Variants in CRPPA observed in about 807,000 individuals in gnomAD.
CRPPA encodes D-ribitol-5-phosphate cytidylyltransferase.
In CRPPA, 43 loss-of-function variants were observed where a neutral mutation model predicts 52.0. The observed-to-expected ratio is 0.83, with a 90% CI of 0.65 to 1.07. The LOEUF (loss-of-function observed/expected upper bound fraction) is 1.07. Ranked by LOEUF, CRPPA falls within the 50% of genes least tolerant of loss-of-function variation. The pLI is 0.00. For synonymous variants in CRPPA, 250 were observed against 203.5 expected, an observed-to-expected ratio of 1.23 and a Z score of -1.94; for missense variants, 629 against 551.7, an observed-to-expected ratio of 1.14 and a Z score of -1.40.
At chr7:16,318,240 C>G (rs1403515429) in intron 3 of CRPPA, among the ~76,000 whole-genome samples, 1 of 152,110 alleles carries the variant, frequency 6.6e-6, no homozygotes, top group Non-Finnish European at 1.5e-5. Flanking sequence ...TAGTAGCACC[C>G]CAACTCTCTT....
intron 9 of CRPPA, chr7:16,209,290 T>TTTTTTTTTTTTTTTTTTTTTTTTG (rs1782063195): frequency 5.1e-6 from 1 of 197,648 alleles, no homozygotes. Context: ...TTTTTTTTTT[T>TTTTTTTTTTTTTTTTTTTTTTTTG]GAGACGAGTC....
intron 5 of CRPPA, among the ~76,000 whole-genome samples, chr7:16,289,441 T>C (rs1214548895): frequency 4.6e-5 from 7 of 151,904 alleles, no homozygotes; most frequent in African/African-American, 1.7e-4. Flanking sequence ...AAGAAAACAT[T>C]AGCAAACCAA....
chr7:16,187,112 T>C (rs1476474400), intron 9 of CRPPA, among the ~76,000 whole-genome samples: 1 of 152,166 alleles, frequency 6.6e-6, no homozygotes, highest in East Asian at 1.9e-4. Context: ...ATATTTTTAG[T>C]ATCCAATATT....
chr7:16,127,183 T>C (rs573503813), intron 9 of CRPPA, among the ~76,000 whole-genome samples: 1 of 152,250 alleles, frequency 6.6e-6, no homozygotes, highest in South Asian at 2.1e-4. Context: ...AAAAAGCATT[T>C]TGCATTATTC....
intron 1 of CRPPA, among the ~76,000 whole-genome samples, chr7:16,406,682 T>A (rs910572195): frequency 6.6e-6 from 1 of 152,198 alleles, no homozygotes; most frequent in Non-Finnish European, 1.5e-5. Context: ...AGTTGGGATA[T>A]GCTTTTAAAT....
chr7:16,320,800 G>A (rs1288203553), intron 3 of CRPPA, among the ~76,000 whole-genome samples: 1 of 152,092 alleles, frequency 6.6e-6, no homozygotes, highest in African/African-American at 2.4e-5. Context: ...ATTATGCAAT[G>A]TATTTTGGGA....
At chr7:16,354,575 A>G (rs895632538) in intron 3 of CRPPA, among the ~76,000 whole-genome samples, 1 of 152,202 alleles carries the variant, frequency 6.6e-6, no homozygotes, top group African/African-American at 2.4e-5. Context: ...TTACAAAGAA[A>G]CTTGAGATTA....
At chr7:16,233,144 C>CA (rs894915598) in intron 8 of CRPPA, among the ~76,000 whole-genome samples, 97 of 148,424 alleles carry the variant, frequency 6.5e-4, no homozygotes, top group South Asian at 3.0e-3. Context: ...AATTAAACAG[C>CA]AAAAAAAAAG....
At chr7:16,380,798 C>G (rs931308424) in intron 2 of CRPPA, among the ~76,000 whole-genome samples, 36 of 152,180 alleles carry the variant, frequency 2.4e-4, no homozygotes, top group African/African-American at 8.7e-4. Context: ...GAGGTATTCT[C>G]TGATGGTAGT....
chr7:16,359,542 G>A (rs1583546844), intron 3 of CRPPA, among the ~76,000 whole-genome samples: 1 of 152,080 alleles, frequency 6.6e-6, no homozygotes, highest in East Asian at 1.9e-4. Flanking sequence ...TCTCAACTTC[G>A]TTCTAACTTT....
At chr7:16,120,167 C>G (rs1405220011) in intron 9 of CRPPA, among the ~76,000 whole-genome samples, 1 of 152,194 alleles carries the variant, frequency 6.6e-6, no homozygotes. Flanking sequence ...TCTCCTTGAT[C>G]AAACTGTAAT....
chr7:16,379,682 G>C (rs1260226866), intron 2 of CRPPA, among the ~76,000 whole-genome samples: 1 of 152,122 alleles, frequency 6.6e-6, no homozygotes, highest in Non-Finnish European at 1.5e-5. Context: ...GTGGTTTGTA[G>C]TTCTCCTTGA....
chr7:16,399,737 C>T (rs1255860664), intron 2 of CRPPA, among the ~76,000 whole-genome samples: 7 of 151,982 alleles, frequency 4.6e-5, no homozygotes, highest in Non-Finnish European at 5.9e-5. Context: ...ATATGATTGA[C>T]ATGTAACTGA....
At chr7:16,324,479 T>A (rs1419959407) in intron 3 of CRPPA, among the ~76,000 whole-genome samples, 1 of 152,228 alleles carries the variant, frequency 6.6e-6, no homozygotes, top group African/African-American at 2.4e-5. Context: ...GCAGAGAATG[T>A]AATTGGCAAA....
At position 16,258,969 on chromosome 7, in the gene CRPPA, T is replaced by C. The variant is rs1269266266; in HGVS notation, c.977A>G (p.His326Arg). The change falls in exon 7 of 10, where the codon CAT (histidine) becomes CGT (arginine). Residue 326 changes from histidine to arginine, a missense_variant. Physicochemically the swap from His to Arg is conservative, Grantham distance 29. Transcript: ENST00000407010. ...TSEALGHAGR[H>R]LQQIILDQCY... ...TTGATCTAAGATGATTTGCTGAAGA[T>C]GTCTGCCAGCATGACCCAGAGCCTC... is the stretch of plus-strand genomic sequence containing the variant. 1 of 1,611,522 alleles carries C rather than the reference T, an allele frequency of 6.2e-7. No homozygotes were observed. Among genetic ancestry groups the C allele is most frequent in the Admixed American group, 1.7e-5 (1 of 59,684 alleles).
At chr7:16,178,915 T>C (rs1378123834) in intron 9 of CRPPA, among the ~76,000 whole-genome samples, 3 of 152,002 alleles carry the variant, frequency 2.0e-5, no homozygotes, top group Non-Finnish European at 2.9e-5. Context: ...CAAACCCCCA[T>C]AAATTTGGTT....
intron 3 of CRPPA, among the ~76,000 whole-genome samples, chr7:16,354,204 T>G (rs1786237283): frequency 6.6e-6 from 1 of 152,176 alleles, no homozygotes; most frequent in African/African-American, 2.4e-5. Context: ...AGAATGTTCC[T>G]TTTATCAAAA....
At chr7:16,189,701 T>C (rs1781569987) in intron 9 of CRPPA, among the ~76,000 whole-genome samples, 1 of 152,200 alleles carries the variant, frequency 6.6e-6, no homozygotes, top group Non-Finnish European at 1.5e-5. Context: ...GCTAATTCAT[T>C]GTGAATGTGT....
At position 16,379,674 on chromosome 7, in the gene CRPPA, G is replaced by C. The variant is rs1188318449; in HGVS notation, c.535-3433C>G. 4.6e-5 allele frequency among the ~76,000 whole-genome samples: 7 copies of C among 152,212 alleles called. 1 individual carries two copies. In the South Asian group the frequency reaches 1.2e-3, roughly 27 times the overall value. ...ATCCTCTTTTATTTCATTGAGCAGT[G>C]GTTTGTAGTTCTCCTTGAAGAGGTC... On this transcript the variant is annotated intron_variant, in intron 2 of 9. Coordinates refer to ENST00000407010, the MANE Select transcript of CRPPA (RefSeq NM_001101426.4).
Sources: gnomAD v4.1 joint callset for allele counts (sites outside exome capture counted in the v4.1 genomes callset) on GRCh38, gnomAD v4.1.1 for gene constraint, MANE v1.5 for transcripts, NCBI Gene and HGNC (gene_info 2026-07-23, HGNC 2026-07-21) for gene names.